Variants in CEP192 observed in about 807,000 individuals in gnomAD.
CEP192 encodes the protein centrosomal protein of 192 kDa.
CEP192 carries 151 observed loss-of-function variants against 271.8 expected under a neutral mutation model. That is an observed-to-expected ratio of 0.56 (90% CI 0.49 to 0.64). CEP192 has a LOEUF of 0.64. Among genes scored for constraint, CEP192 ranks in the 30% least tolerant of loss-of-function variants. CEP192 has a pLI of 0.00. For missense variants in CEP192, 2,910 were observed against 3,020.5 expected (o/e 0.96, Z 0.86); for synonymous variants, 995 against 1,076.5 (o/e 0.92, Z 1.48).
rs1555698196 is a variant in CEP192, at chr18:13,000,091, C to CTCTCTTTTTTT, written c.164+504_164+505insCTCTTTTTTTT. Among the ~76,000 whole-genome samples, 521 of 76,702 alleles carry CTCTCTTTTTTT rather than the reference C, an allele frequency of 6.8e-3. 66 individuals carry two copies. The highest frequency in any genetic ancestry group is 0.01 in the East Asian group (27 of 2,622). The allele number at this position is 76,702 out of a possible 152,430, so 50.3% of individuals were successfully genotyped here. A position where few individuals can be genotyped will look rare whatever the true frequency, so the allele number is the denominator to read the frequency against. Reference sequence around the variant, plus strand: ...CTCTGTATAACTCATTGTCTTCTCTCTTTTTTTTTTTTTTTTTTTTTTTTT... The same window carrying CTCTCTTTTTTT: ...CTCTGTATAACTCATTGTCTTCTCTCTCTCTTTTTTTTTTTTTTTTTTTTTTTTTTTTTTTT... On this transcript the variant is annotated intron_variant, in intron 2 of 44. Coordinates refer to ENST00000506447, the MANE Select transcript of CEP192 (RefSeq NM_032142.4).
At chr18:13,066,626 G>A (rs924163626) in intron 21 of CEP192, among the ~76,000 whole-genome samples, 5 of 152,112 alleles carry the variant, frequency 3.3e-5, no homozygotes, top group Non-Finnish European at 5.9e-5. Flanking sequence ...CTAGGCGTAG[G>A]CTTTCATGTT....
chr18:13,057,141 G>C (rs1412648838), intron 19 of CEP192, among the ~76,000 whole-genome samples: 1 of 152,160 alleles, frequency 6.6e-6, no homozygotes, highest in Non-Finnish European at 1.5e-5. Flanking sequence ...CTGGGGTGCT[G>C]TCTTCTCTGC....
chr18:13,039,443 G>T (rs1188302384), intron 13 of CEP192, among the ~76,000 whole-genome samples: 1 of 135,428 alleles, frequency 7.4e-6, no homozygotes, highest in Non-Finnish European at 1.6e-5. Context: ...GCAACAGAGC[G>T]AGACTCCATC....
Position 13,068,931 on chromosome 18 carries a change from A to C in CEP192, c.4902A>C (p.Arg1634Ser), listed in dbSNP as rs760708917. The C allele has an allele frequency of 6.2e-7, 1 of 1,614,194 alleles. No homozygotes were observed. The highest frequency in any genetic ancestry group is 2.2e-5 in the East Asian group (1 of 44,884). ...GCCCAAACCCTACGCCCGTTCTTAG[A>C]AGTGTGAGTCTCCGAGCAAGAGCAG... ...VDSPNPTPVL[R>S]SVSLRARAGI... Residue 1634 changes from arginine to serine, a missense_variant, in exon 25 of 45, where the codon AGA becomes AGC. Physicochemically the swap from Arg to Ser is moderately radical, Grantham distance 110. Transcript: ENST00000506447.
intron 18 of CEP192, among the ~76,000 whole-genome samples, chr18:13,054,462 G>A (rs1034923029): frequency 1.3e-5 from 2 of 152,192 alleles, no homozygotes; most frequent in African/African-American, 4.8e-5. Context: ...TAGTGTGAGA[G>A]CATTACACCC....
At chr18:13,017,944 A>G (rs180788321) in intron 7 of CEP192, among the ~76,000 whole-genome samples, 18 of 152,272 alleles carry the variant, frequency 1.2e-4, no homozygotes, top group Admixed American at 9.8e-4. Flanking sequence ...TGCAAAATCT[A>G]GGCCCTTTGT....
intron 15 of CEP192, among the ~76,000 whole-genome samples, chr18:13,042,983 T>C (rs909114913): frequency 1.1e-4 from 17 of 152,188 alleles, no homozygotes; most frequent in Non-Finnish European, 4.4e-5. Flanking sequence ...ATTTCAGTGG[T>C]TTTGACAGTT....
chr18:13,089,487 C>A lies in CEP192; in HGVS notation c.6025C>A (p.Gln2009Lys). 6.2e-7 allele frequency: 1 copy of A among 1,603,154 alleles called. No homozygotes were observed. The highest frequency in any genetic ancestry group is 1.1e-5 in the South Asian group (1 of 89,560). The stretch of plus-strand genomic sequence containing the variant: ...GTTACATAAACCAGAGATGATAAAA[C>A]AGATACTTCCAGAACATAGTGTGCT... ...ALLHKPEMIK[Q>K]ILPEHSVLQN... Residue 2009 changes from glutamine to lysine, a missense_variant, in exon 33 of 45, where the codon CAG (glutamine) becomes AAG (lysine). Gln to Lys is a moderately conservative substitution (Grantham distance 53). Coordinates refer to ENST00000506447, the MANE Select transcript of CEP192 (RefSeq NM_032142.4).
chr18:13,019,279 G>A, intron 9 of CEP192, 73 bp downstream of exon 9: 2 of 1,254,376 alleles, frequency 1.6e-6, no homozygotes, highest in Non-Finnish European at 1.0e-6. Flanking sequence ...TATGATATCA[G>A]TTTTTTTCAA....
chr18:13,076,179 G>A (rs1214300789), intron 30 of CEP192, among the ~76,000 whole-genome samples: 1 of 152,122 alleles, frequency 6.6e-6, no homozygotes, highest in Non-Finnish European at 1.5e-5. Flanking sequence ...AGTTTTTCCT[G>A]TTTAATCTGT....
At chr18:13,115,061 A>G (rs72877614) in intron 42 of CEP192, among the ~76,000 whole-genome samples, 7,924 of 152,300 alleles carry the variant, frequency 0.052, 276 homozygotes, top group Non-Finnish European at 0.074. Context: ...TATCTGCTGA[A>G]TTTAATATAA....
chr18:13,095,675 TCTC>T lies in CEP192; in HGVS notation c.6430_6432del (p.Pro2144del), dbSNP rs1413149138. ...CGAGCACTTGATTCTGGTAGCTCCTTCTCCTTGTGAGTATGTCAACTGTGACAC... is the reference window on the plus strand; with the variant it reads ...CGAGCACTTGATTCTGGTAGCTCCTTCTTGTGAGTATGTCAACTGTGACAC... On this transcript the variant is annotated inframe_deletion, in exon 35 of 45. Coordinates refer to ENST00000506447, the MANE Select transcript of CEP192 (RefSeq NM_032142.4). 3 of 1,612,142 alleles carry T rather than the reference TCTC, an allele frequency of 1.9e-6. No individual in the cohort carries two copies. Among genetic ancestry groups the T allele is most frequent in the Non-Finnish European group, 2.5e-6 (3 of 1,179,452 alleles).
chr18:13,030,043 G>A, intron 10 of CEP192, 41 bp downstream of exon 10: 1 of 1,359,944 alleles, frequency 7.4e-7, no homozygotes, highest in Non-Finnish European at 1.0e-6. Context: ...AGAAATAGAT[G>A]TTCATACATT....
chr18:13,038,044 G>T (rs2036004769), intron 12 of CEP192, among the ~76,000 whole-genome samples: 1 of 152,078 alleles, frequency 6.6e-6, no homozygotes, highest in South Asian at 2.1e-4. Flanking sequence ...TCGCCATGTT[G>T]CTCAGGCTGG....
chr18:13,056,693 G>A lies in CEP192; in HGVS notation c.4103G>A (p.Gly1368Glu). The stretch of plus-strand genomic sequence containing the variant: ...CCATGGGATTCAGGAGTGACATCAG[G>A]ATTGGGTAAGATGCTTTTTCTCTAT... ...IEPWDSGVTSGLGSVRVPEEL... is the reference protein window; with the variant it reads ...IEPWDSGVTSELGSVRVPEEL... Residue 1368 changes from glycine (G) to glutamate (E), a missense_variant, in exon 19 of 45, where the codon GGA becomes GAA. Coordinates refer to ENST00000506447, the MANE Select transcript of CEP192 (RefSeq NM_032142.4). The A allele has an allele frequency of 6.3e-7, 1 of 1,575,216 alleles. No individual in the cohort carries two copies. The highest frequency in any genetic ancestry group is 1.2e-5 in the South Asian group (1 of 84,494).
chr18:13,113,343 C>G (rs1156707181), intron 40 of CEP192, among the ~76,000 whole-genome samples: 1 of 152,196 alleles, frequency 6.6e-6, no homozygotes, highest in Non-Finnish European at 1.5e-5. Flanking sequence ...CACAGTAAAG[C>G]ATTTATTGTA....
chr18:13,018,773 A>G lies in CEP192; in HGVS notation c.925+158A>G, dbSNP rs376921593. ...AAAACTTTTCAAAAGAGCTTTTAAT[A>G]ATAGCTGAGTAAATTAGTGTTACTA... On this transcript the variant is annotated intron_variant, in intron 8 of 44. Transcript: ENST00000506447. 4.6e-5 allele frequency among the ~76,000 whole-genome samples: 7 copies of G among 152,340 alleles called. No homozygotes were observed. The East Asian group carries it at 1.2e-3, about 25-fold the overall frequency.
chr18:13,103,583 G>T lies in CEP192; in HGVS notation c.6946G>T (p.Val2316Phe). The change falls in exon 39 of 45, where the codon GTC becomes TTC. Residue 2316 changes from valine (V) to phenylalanine (F), a missense_variant. Coordinates refer to ENST00000506447, the MANE Select transcript of CEP192 (RefSeq NM_032142.4). ...TCTGTCATCTTTAGCGCCACCTTAT[G>T]TCAAGGTCAGTCATGACTGCCTCAG... ...WHLSSLAPPY[V>F]KGVDESGDVF... 6.2e-7 allele frequency: 1 copy of T among 1,610,448 alleles called. No individual in the cohort carries two copies. Among genetic ancestry groups the T allele is most frequent in the Non-Finnish European group, 8.5e-7 (1 of 1,176,642 alleles).
At chr18:13,092,125 G>GT (rs1449642474) in intron 33 of CEP192, among the ~76,000 whole-genome samples, 2 of 152,182 alleles carry the variant, frequency 1.3e-5, no homozygotes, top group African/African-American at 4.8e-5. Flanking sequence ...GGGAGGTTAA[G>GT]TAACTTGCCA....
Sources: allele counts gnomAD v4.1 joint callset (sites outside exome capture counted in the v4.1 genomes callset), GRCh38; gene constraint gnomAD v4.1.1; transcripts MANE v1.5; gene names NCBI Gene and HGNC (gene_info 2026-07-23, HGNC 2026-07-21).